Variants in CNTN3 observed in about 807,000 individuals in gnomAD.
CNTN3 encodes the protein contactin 3.
Under a neutral mutation model 119.1 loss-of-function variants are expected in CNTN3, and 60 were observed. The observed-to-expected ratio is 0.50, with a 90% CI of 0.41 to 0.62. The LOEUF (loss-of-function observed/expected upper bound fraction) is 0.62. Ranked by LOEUF, CNTN3 falls within the 20% of genes least tolerant of loss-of-function variation. The probability of loss-of-function intolerance (pLI) is 0.00; values close to 1 mark genes in which losing one functional copy is unlikely to be tolerated. For synonymous variants in CNTN3, 450 were observed against 438.7 expected (o/e 1.03, Z -0.32); for missense variants, 1,101 against 1,242.4 (o/e 0.89, Z 1.71).
chr3:74,323,164 G>A (rs1703036495), intron 13 of CNTN3, among the ~76,000 whole-genome samples: 1 of 152,158 alleles, frequency 6.6e-6, no homozygotes, highest in South Asian at 2.1e-4. Context: ...ATGTGTCAAT[G>A]TAGGTTCATA....
intron 13 of CNTN3, among the ~76,000 whole-genome samples, chr3:74,320,814 A>C (rs565054371): frequency 6.6e-6 from 1 of 152,128 alleles, no homozygotes; most frequent in South Asian, 2.1e-4. Flanking sequence ...GACATATGCA[A>C]TTTTTCATGT....
intron 11 of CNTN3, among the ~76,000 whole-genome samples, chr3:74,343,982 C>CT (rs1331435041): frequency 6.6e-6 from 1 of 152,214 alleles, no homozygotes; most frequent in African/African-American, 2.4e-5. Context: ...CATCCCAGCA[C>CT]TTGCTCCAAC....
chr3:74,306,878 AAC>A (rs1205770281), intron 13 of CNTN3, among the ~76,000 whole-genome samples: 1 of 152,188 alleles, frequency 6.6e-6, no homozygotes, highest in African/African-American at 2.4e-5. Flanking sequence ...AGAAAAAAGA[AAC>A]AGTCCTTATG....
At chr3:74,534,374 C>T (rs1033322190) in intron 1 of CNTN3, among the ~76,000 whole-genome samples, 3 of 151,936 alleles carry the variant, frequency 2.0e-5, no homozygotes, top group African/African-American at 7.2e-5. Context: ...ATTATTTGCA[C>T]ACAGGTTTTA....
intron 5 of CNTN3, among the ~76,000 whole-genome samples, chr3:74,410,047 G>A (rs1374608261): frequency 1.3e-5 from 2 of 152,078 alleles, no homozygotes; most frequent in East Asian, 1.9e-4. Flanking sequence ...TTGGAAATAC[G>A]GAATTTTGCT....
At chr3:74,500,202 C>A (rs1266848333) in intron 2 of CNTN3, among the ~76,000 whole-genome samples, 3 of 151,896 alleles carry the variant, frequency 2.0e-5, no homozygotes, top group Admixed American at 2.0e-4. Context: ...AAACCTTAAG[C>A]TTGATAATGT....
chr3:74,363,987 A>T (rs1279324679), intron 10 of CNTN3, among the ~76,000 whole-genome samples: 2 of 152,132 alleles, frequency 1.3e-5, no homozygotes, highest in African/African-American at 2.4e-5. Flanking sequence ...CAAGAAGAAG[A>T]TCATCTATAA....
intron 1 of CNTN3, among the ~76,000 whole-genome samples, chr3:74,559,023 G>A (rs551584423): frequency 9.3e-5 from 13 of 139,420 alleles, no homozygotes; most frequent in Non-Finnish European, 1.8e-4. Flanking sequence ...TGCAGTCAAA[G>A]TTCATTTTAC....
chr3:74,561,740 A>G (rs1212889509), intron 1 of CNTN3, among the ~76,000 whole-genome samples: 1 of 152,164 alleles, frequency 6.6e-6, no homozygotes, highest in African/African-American at 2.4e-5. Flanking sequence ...AATGAAAGCT[A>G]CAAGAGACTG....
intron 4 of CNTN3, among the ~76,000 whole-genome samples, chr3:74,466,670 C>T (rs1251075618): frequency 6.6e-6 from 1 of 151,936 alleles, no homozygotes; most frequent in African/African-American, 2.4e-5. Flanking sequence ...CAACCTGGAG[C>T]TAAATGTAGA....
chr3:74,561,266 G>T (rs1006690519), intron 1 of CNTN3, among the ~76,000 whole-genome samples: 43 of 151,294 alleles, frequency 2.8e-4, no homozygotes, highest in African/African-American at 1.0e-3. Flanking sequence ...CATCCTCCTT[G>T]CTATTCTCCT....
chr3:74,410,996 T>C (rs1289840421), intron 5 of CNTN3, among the ~76,000 whole-genome samples: 2 of 152,066 alleles, frequency 1.3e-5, no homozygotes, highest in African/African-American at 4.8e-5. Flanking sequence ...TACTCACTGA[T>C]AAAATAAGAG....
intron 3 of CNTN3, among the ~76,000 whole-genome samples, chr3:74,495,758 C>G (rs895930395): frequency 6.6e-6 from 1 of 151,982 alleles, no homozygotes; most frequent in South Asian, 2.1e-4. Context: ...TTATAGACAA[C>G]CATGTTTAAG....
intron 2 of CNTN3, among the ~76,000 whole-genome samples, chr3:74,505,111 T>C (rs940156355): frequency 2.0e-5 from 3 of 152,054 alleles, no homozygotes; most frequent in Non-Finnish European, 4.4e-5. Flanking sequence ...CCTTTTTTCA[T>C]ATGGGCACCA....
intron 11 of CNTN3, among the ~76,000 whole-genome samples, chr3:74,351,613 A>G (rs951211523): frequency 3.3e-5 from 5 of 152,264 alleles, no homozygotes; most frequent in African/African-American, 9.6e-5. Context: ...AATAATGTGC[A>G]TCGCAATTCC....
chr3:74,370,361 T>C (rs1409859046), intron 6 of CNTN3, among the ~76,000 whole-genome samples: 1 of 152,078 alleles, frequency 6.6e-6, no homozygotes, highest in Admixed American at 6.6e-5. Context: ...AGCCTTTACA[T>C]TACACAAAAT....
At chr3:74,558,174 C>T (rs1362024273) in intron 1 of CNTN3, among the ~76,000 whole-genome samples, 1 of 152,164 alleles carries the variant, frequency 6.6e-6, no homozygotes, top group East Asian at 1.9e-4. Flanking sequence ...GATGAGACAA[C>T]TCTGAAGGGT....
At chr3:74,594,399 C>T (rs1704760269) in intron 1 of CNTN3, among the ~76,000 whole-genome samples, 1 of 150,364 alleles carries the variant, frequency 6.7e-6, no homozygotes, top group Non-Finnish European at 1.5e-5. Flanking sequence ...CCCATTAACT[C>T]ATCATTTAGC....
chr3:74,376,182 G>A lies in CNTN3; in HGVS notation c.455-4783C>T, dbSNP rs959092222. ...TTGATGTGAGCCCATTGAGACTTGC[G>A]TTGGACTTCTAATCCACAGAACTGT... On this transcript the variant is annotated intron_variant, in intron 5 of 22. Coordinates refer to ENST00000263665, the MANE Select transcript of CNTN3 (RefSeq NM_020872.3). 7.9e-5 allele frequency among the ~76,000 whole-genome samples: 12 copies of A among 152,294 alleles called. 1 individual carries two copies. The highest frequency in any genetic ancestry group is 7.7e-4 in the East Asian group (4 of 5,170).
Sources: allele counts gnomAD v4.1 joint callset (sites outside exome capture counted in the v4.1 genomes callset), GRCh38; gene constraint gnomAD v4.1.1; transcripts MANE v1.5; gene names NCBI Gene and HGNC (gene_info 2026-07-23, HGNC 2026-07-21).